The following FSTL5 variants were observed in gnomAD, a reference collection of about 807,000 sequenced individuals.
FSTL5 encodes follistatin-related protein 5.
FSTL5 carries 62 observed loss-of-function variants against 89.1 expected under a neutral mutation model. The observed-to-expected ratio is 0.70, with a 90% CI of 0.57 to 0.86. The LOEUF (loss-of-function observed/expected upper bound fraction) is 0.86, where lower values mean the gene tolerates loss of function less well. Ranked by LOEUF, FSTL5 falls within the 40% of genes least tolerant of loss-of-function variation. FSTL5 has a pLI of 0.00. For missense variants in FSTL5, 1,057 were observed against 1,001.6 expected (o/e 1.06, Z -0.75); for synonymous variants, 383 against 346.2 (o/e 1.11, Z -1.18).
chr4:161,974,139 C>T (rs1578907251), intron 3 of FSTL5, among the ~76,000 whole-genome samples: 2 of 152,294 alleles, frequency 1.3e-5, no homozygotes, highest in South Asian at 4.1e-4. Flanking sequence ...ATATTCCATG[C>T]TCATGGGTAG....
chr4:161,446,951 G>GA (rs1248913114), intron 15 of FSTL5, among the ~76,000 whole-genome samples: 2 of 151,432 alleles, frequency 1.3e-5, no homozygotes, highest in African/African-American at 2.4e-5. Context: ...ATGTAAGACA[G>GA]AAAAAAAAGT....
At chr4:161,490,242 T>C (rs904395701) in intron 12 of FSTL5, among the ~76,000 whole-genome samples, 1 of 152,130 alleles carries the variant, frequency 6.6e-6, no homozygotes, top group African/African-American at 2.4e-5. Flanking sequence ...AGATGGAACA[T>C]CCGATATAAT....
chr4:161,492,710 T>C (rs943692333), intron 12 of FSTL5, among the ~76,000 whole-genome samples: 13 of 151,974 alleles, frequency 8.6e-5, no homozygotes, highest in African/African-American at 3.1e-4. Flanking sequence ...AAACGAGTTG[T>C]AATGGGCAAT....
intron 1 of FSTL5, among the ~76,000 whole-genome samples, chr4:162,125,010 C>T (rs1252256048): frequency 1.3e-5 from 2 of 152,120 alleles, no homozygotes; most frequent in Non-Finnish European, 2.9e-5. Context: ...GCCTTCACTA[C>T]TTTTCTTTAA....
At chr4:161,498,693 T>C (rs1231378147) in intron 12 of FSTL5, among the ~76,000 whole-genome samples, 1 of 152,204 alleles carries the variant, frequency 6.6e-6, no homozygotes, top group African/African-American at 2.4e-5. Flanking sequence ...ATTTAAATAA[T>C]AATATTTGTA....
chr4:162,064,965 C>G (rs1738839910), intron 2 of FSTL5, among the ~76,000 whole-genome samples: 1 of 151,916 alleles, frequency 6.6e-6, no homozygotes, highest in African/African-American at 2.4e-5. Flanking sequence ...ATATTGTCAA[C>G]TAATCTTTGG....
intron 12 of FSTL5, among the ~76,000 whole-genome samples, 174 bp downstream of exon 12, chr4:161,499,842 T>G (rs1730233965): frequency 6.6e-6 from 1 of 152,108 alleles, no homozygotes; most frequent in African/African-American, 2.4e-5. Flanking sequence ...CATAATATAT[T>G]ATTTTCCTCC....
intron 4 of FSTL5, among the ~76,000 whole-genome samples, chr4:161,855,277 A>G (rs984665853): frequency 2.0e-5 from 3 of 152,102 alleles, no homozygotes; most frequent in African/African-American, 2.4e-5. Flanking sequence ...AGAGCTTTCT[A>G]TCTGGTACAT....
intron 2 of FSTL5, among the ~76,000 whole-genome samples, chr4:162,054,925 T>C (rs1416774893): frequency 6.6e-6 from 1 of 151,832 alleles, no homozygotes; most frequent in Non-Finnish European, 1.5e-5. Flanking sequence ...TAAGAAATCA[T>C]TTTTTCCTTT....
chr4:162,066,488 A>G lies in FSTL5; in HGVS notation c.127-32830T>C, dbSNP rs138570394. Among the ~76,000 whole-genome samples the G allele has an allele frequency of 3.3e-3, 494 of 148,470 alleles. 3 individuals carry two copies. The highest frequency in any genetic ancestry group is 0.012 in the African/African-American group (462 of 40,050). ...TAGCATGTTTGCTGCATAGGTATAC[A>G]TGTGCCATGGTGGTTTGCTGCACTT... On this transcript the variant is annotated intron_variant, in intron 2 of 15. Transcript: ENST00000306100.
chr4:162,143,775 T>C (rs1732850667), intron 1 of FSTL5, among the ~76,000 whole-genome samples: 1 of 121,308 alleles, frequency 8.2e-6, no homozygotes. Flanking sequence ...ACATTGTATC[T>C]GACTTTAAAT....
intron 8 of FSTL5, among the ~76,000 whole-genome samples, chr4:161,564,471 G>A (rs10006629): frequency 0.12 from 18,354 of 150,282 alleles, 1,610 homozygotes; most frequent in East Asian, 0.48. Context: ...AATATTTGCT[G>A]AAATATATTA....
At chr4:161,877,661 C>T (rs1189674389) in intron 4 of FSTL5, among the ~76,000 whole-genome samples, 1 of 151,372 alleles carries the variant, frequency 6.6e-6, no homozygotes, top group African/African-American at 2.4e-5. Context: ...CCCGTTTCTA[C>T]TAAAAATACA....
intron 4 of FSTL5, among the ~76,000 whole-genome samples, chr4:161,794,404 C>T (rs550858031): frequency 6.6e-6 from 1 of 152,144 alleles, no homozygotes; most frequent in Non-Finnish European, 1.5e-5. Context: ...TCACATTGGC[C>T]TAGTAGATTA....
intron 4 of FSTL5, among the ~76,000 whole-genome samples, chr4:161,803,458 C>T (rs557418083): frequency 2.0e-5 from 3 of 151,966 alleles, no homozygotes; most frequent in East Asian, 1.9e-4. Flanking sequence ...TACTACATCA[C>T]GTAAGTTTGC....
At chr4:161,438,113 A>G (rs1732634881) in intron 15 of FSTL5, among the ~76,000 whole-genome samples, 1 of 152,218 alleles carries the variant, frequency 6.6e-6, no homozygotes, top group Admixed American at 6.5e-5. Flanking sequence ...TATGTGCAAA[A>G]AGAAGCCGTC....
intron 4 of FSTL5, among the ~76,000 whole-genome samples, chr4:161,906,939 G>A (rs992439861): frequency 2.0e-5 from 3 of 152,008 alleles, no homozygotes; most frequent in Non-Finnish European, 4.4e-5. Flanking sequence ...AAATTTATAC[G>A]GAGGTTGGTA....
chr4:161,619,034 T>C lies in FSTL5; in HGVS notation c.895-31459A>G, dbSNP rs957834492. The stretch of plus-strand genomic sequence containing the variant: ...AGAACAGAGCCCTCAGAAATAACGC[T>C]GCATATCTACAACTATCTGATCTTT... On this transcript the variant is annotated intron_variant, in intron 7 of 15. Coordinates refer to ENST00000306100, the MANE Select transcript of FSTL5 (RefSeq NM_020116.5). Among the ~76,000 whole-genome samples, 82 of 152,108 alleles carry C rather than the reference T, an allele frequency of 5.4e-4. No individual in the cohort carries two copies. The Middle Eastern group carries it at 0.01, about 19-fold the overall frequency.
chr4:161,662,783 A>C (rs2126688943), intron 6 of FSTL5, among the ~76,000 whole-genome samples: 1 of 152,296 alleles, frequency 6.6e-6, no homozygotes, highest in African/African-American at 2.4e-5. Flanking sequence ...GCGAACAAAA[A>C]ACTAGGCTAA....
Sources: allele counts gnomAD v4.1 joint callset (sites outside exome capture counted in the v4.1 genomes callset), GRCh38; gene constraint gnomAD v4.1.1; transcripts MANE v1.5; gene names NCBI Gene and HGNC (gene_info 2026-07-23, HGNC 2026-07-21).